The following FBXL7 variants were observed in gnomAD, a reference collection of about 807,000 sequenced individuals.
FBXL7 encodes the protein F-box and leucine rich repeat protein 7, also known as F-box/LRR-repeat protein 7.
FBXL7 carries 12 observed loss-of-function variants against 38.3 expected under a neutral mutation model. That is an observed-to-expected ratio of 0.31 (90% CI 0.20 to 0.51). The LOEUF (loss-of-function observed/expected upper bound fraction) is 0.51. Among genes scored for constraint, FBXL7 ranks in the 20% least tolerant of loss-of-function variants. The pLI is 0.98. For missense variants in FBXL7, 567 were observed against 676.4 expected, an observed-to-expected ratio of 0.84 and a Z score of 1.79; for synonymous variants, 297 against 300.9, an observed-to-expected ratio of 0.99 and a Z score of 0.13.
intron 1 of FBXL7, among the ~76,000 whole-genome samples, chr5:15,591,504 A>G (rs1015073185): frequency 6.6e-6 from 1 of 152,078 alleles, no homozygotes; most frequent in Non-Finnish European, 1.5e-5. Context: ...TATAAAATGA[A>G]AATAATATTC....
At chr5:15,676,573 T>C (rs923949439) in intron 2 of FBXL7, among the ~76,000 whole-genome samples, 3 of 152,240 alleles carry the variant, frequency 2.0e-5, no homozygotes, top group Admixed American at 1.3e-4. Context: ...ACGGAAAATA[T>C]TTCTTACAGA....
intron 2 of FBXL7, among the ~76,000 whole-genome samples, chr5:15,716,435 A>G (rs1160810443): frequency 6.6e-6 from 1 of 152,172 alleles, no homozygotes; most frequent in Non-Finnish European, 1.5e-5. Flanking sequence ...TTATAACAAG[A>G]TTAAGTAACA....
intron 2 of FBXL7, among the ~76,000 whole-genome samples, chr5:15,777,927 C>T (rs916983574): frequency 1.3e-5 from 2 of 151,930 alleles, no homozygotes; most frequent in Admixed American, 6.6e-5. Flanking sequence ...CGCCAGCAAT[C>T]AGCTAAACAT....
chr5:15,770,268 A>G (rs1181534588), intron 2 of FBXL7, among the ~76,000 whole-genome samples: 4 of 152,142 alleles, frequency 2.6e-5, no homozygotes, highest in African/African-American at 4.8e-5. Flanking sequence ...AGCCTGGGTG[A>G]TGGATCATCC....
chr5:15,850,149 A>G (rs577240355), intron 2 of FBXL7, among the ~76,000 whole-genome samples: 9 of 152,350 alleles, frequency 5.9e-5, no homozygotes, highest in African/African-American at 2.2e-4. Context: ...AATAGCTATT[A>G]CTTTTTAGTA....
At chr5:15,600,913 A>G (rs990484455) in intron 1 of FBXL7, among the ~76,000 whole-genome samples, 1 of 152,222 alleles carries the variant, frequency 6.6e-6, no homozygotes, top group Non-Finnish European at 1.5e-5. Flanking sequence ...AGCCACCTCT[A>G]GCCACACAGA....
At chr5:15,611,842 G>T (rs901012144) in intron 1 of FBXL7, among the ~76,000 whole-genome samples, 1 of 151,636 alleles carries the variant, frequency 6.6e-6, no homozygotes, top group Non-Finnish European at 1.5e-5. Context: ...AAAATGCTGG[G>T]TATGGTGGTG....
At chr5:15,560,659 G>GT (rs1738383969) in intron 1 of FBXL7, among the ~76,000 whole-genome samples, 1 of 152,108 alleles carries the variant, frequency 6.6e-6, no homozygotes. Context: ...CTGTATGCCC[G>GT]TGACCCAGCT....
chr5:15,627,277 C>T (rs1740849877), intron 2 of FBXL7, among the ~76,000 whole-genome samples: 1 of 152,168 alleles, frequency 6.6e-6, no homozygotes, highest in Admixed American at 6.5e-5. Flanking sequence ...TATGTCTCAA[C>T]AGGTGGTCTA....
At chr5:15,608,997 G>A (rs755188267) in intron 1 of FBXL7, among the ~76,000 whole-genome samples, 13 of 152,134 alleles carry the variant, frequency 8.5e-5, no homozygotes, top group South Asian at 2.1e-4. Flanking sequence ...AGACTTGCAC[G>A]TGAGCATATG....
rs898048791 is a variant in FBXL7 at position 15,550,506 on chromosome 5, G to A, written c.37+49793G>A. On this transcript the variant is annotated intron_variant, in intron 1 of 3. Transcript: ENST00000504595. ...GGCACCCAAAACTTAGGCCTGAAAA[G>A]AGCCAAGGAGAACTGCAGGCTGTGT... is the stretch of plus-strand genomic sequence containing the variant. 5.4e-5 allele frequency among the ~76,000 whole-genome samples: 8 copies of A among 148,896 alleles called. No individual in the cohort carries two copies. In the East Asian group the frequency reaches 9.7e-4, roughly 18 times the overall value.
chr5:15,913,980 A>G (rs55704539), intron 2 of FBXL7, among the ~76,000 whole-genome samples: 3,014 of 152,336 alleles, frequency 0.02, 108 homozygotes, highest in African/African-American at 0.069. Flanking sequence ...AGTTTCTGTT[A>G]CATCTTAGGT....
chr5:15,566,657 G>A (rs1378363565), intron 1 of FBXL7, among the ~76,000 whole-genome samples: 1 of 152,132 alleles, frequency 6.6e-6, no homozygotes, highest in Non-Finnish European at 1.5e-5. Context: ...TTTTTGAGAA[G>A]CATATTTTAT....
chr5:15,912,634 C>G (rs990066409), intron 2 of FBXL7, among the ~76,000 whole-genome samples: 4 of 151,994 alleles, frequency 2.6e-5, no homozygotes, highest in African/African-American at 9.7e-5. Context: ...TTATTATTAA[C>G]TTTGCATTAA....
At position 15,720,445 on chromosome 5, in the gene FBXL7, A is replaced by C. The variant is rs1034000551; in HGVS notation, c.127+104373A>C. On this transcript the variant is annotated intron_variant, in intron 2 of 3. Transcript: ENST00000504595. ...CTTTTCTCCATTCTTAAAATGTCAT[A>C]TAAAACCATATTGTGCCTGATTACC... Among the ~76,000 whole-genome samples the C allele has an allele frequency of 2.7e-5, 4 of 148,762 alleles. 1 individual carries two copies. The highest frequency in any genetic ancestry group is 6.0e-5 in the Non-Finnish European group (4 of 66,668).
At chr5:15,673,547 A>G (rs963734950) in intron 2 of FBXL7, among the ~76,000 whole-genome samples, 2 of 152,088 alleles carry the variant, frequency 1.3e-5, no homozygotes, top group African/African-American at 2.4e-5. Flanking sequence ...TATTCTTCCA[A>G]ATGAATTTTG....
At chr5:15,588,682 C>T (rs1580388010) in intron 1 of FBXL7, among the ~76,000 whole-genome samples, 2 of 152,142 alleles carry the variant, frequency 1.3e-5, no homozygotes, top group African/African-American at 2.4e-5. Context: ...CCACCGCGCC[C>T]GGCCGCCATG....
At chr5:15,582,169 C>A (rs912668846) in intron 1 of FBXL7, among the ~76,000 whole-genome samples, 1 of 152,122 alleles carries the variant, frequency 6.6e-6, no homozygotes, top group East Asian at 1.9e-4. Flanking sequence ...AAACTCCTGA[C>A]CTCAAGTGAT....
At chr5:15,618,581 C>T (rs1200667697) in intron 2 of FBXL7, among the ~76,000 whole-genome samples, 2 of 152,148 alleles carry the variant, frequency 1.3e-5, no homozygotes, top group Non-Finnish European at 2.9e-5. Context: ...TTCCTCCACG[C>T]ACAGGAGACA....
Sources: gnomAD v4.1 joint callset for allele counts (sites outside exome capture counted in the v4.1 genomes callset) on GRCh38, gnomAD v4.1.1 for gene constraint, MANE v1.5 for transcripts, NCBI Gene and HGNC (gene_info 2026-07-23, HGNC 2026-07-21) for gene names.